The following CDH11 variants were observed in gnomAD, a reference collection of about 807,000 sequenced individuals.
CDH11 encodes cadherin 11.
In CDH11, 11 loss-of-function variants were observed where a neutral mutation model predicts 67.8. The ratio of observed to expected loss-of-function variants is 0.16; its 90% CI spans 0.10 to 0.27. The LOEUF is 0.27. CDH11 is among the 10% of genes least tolerant of loss of function. The pLI is 1.00. For missense variants in CDH11, 847 were observed against 1,031.2 expected (o/e 0.82, Z 2.45); for synonymous variants, 419 against 400.0 (o/e 1.05, Z -0.57).
At chr16:65,094,127 T>C (rs1485500455) in intron 1 of CDH11, among the ~76,000 whole-genome samples, 2 of 152,196 alleles carry the variant, frequency 1.3e-5, no homozygotes, top group African/African-American at 2.4e-5. Context: ...CACTAAGATT[T>C]AAACAAAGGG....
At chr16:65,093,107 T>C (rs1407021998) in intron 1 of CDH11, among the ~76,000 whole-genome samples, 8 of 151,830 alleles carry the variant, frequency 5.3e-5, no homozygotes, top group African/African-American at 1.9e-4. Context: ...CAGCTAATTT[T>C]ATCTATTTTT....
intron 1 of CDH11, among the ~76,000 whole-genome samples, chr16:65,120,648 T>G (rs1367239283): frequency 6.6e-6 from 1 of 152,146 alleles, no homozygotes; most frequent in East Asian, 1.9e-4. Context: ...TATTAAATAA[T>G]TAAAAGATGC....
intron 2 of CDH11, among the ~76,000 whole-genome samples, chr16:65,046,604 T>G (rs577509561): frequency 6.6e-6 from 1 of 152,176 alleles, no homozygotes; most frequent in Non-Finnish European, 1.5e-5. Context: ...AGCTGTACCT[T>G]GATTAGGGAT....
chr16:64,981,539 C>A (rs1447444074), intron 8 of CDH11: 1 of 152,172 alleles, frequency 6.6e-6, no homozygotes, highest in African/African-American at 2.4e-5. Flanking sequence ...GCTTTCCTTG[C>A]CTCCTGCTCG....
intron 1 of CDH11, among the ~76,000 whole-genome samples, chr16:65,077,211 T>C (rs1433229182): frequency 6.6e-6 from 1 of 152,208 alleles, no homozygotes; most frequent in African/African-American, 2.4e-5. Context: ...CATGCTAACA[T>C]ATGAACACCA....
chr16:65,021,126 G>A (rs7196001), intron 2 of CDH11, among the ~76,000 whole-genome samples: 54,020 of 151,780 alleles, frequency 0.36, 9,897 homozygotes, highest in South Asian at 0.5. Flanking sequence ...AGTGCAAAGA[G>A]CAGAGTGCTT....
chr16:65,120,377 G>A (rs984814058), intron 1 of CDH11, among the ~76,000 whole-genome samples: 1 of 152,128 alleles, frequency 6.6e-6, no homozygotes, highest in Non-Finnish European at 1.5e-5. Flanking sequence ...AAGTGATGAG[G>A]AAATTGATCC....
chr16:65,122,945 G>A (rs1470454104), upstream of CDH11, among the ~76,000 whole-genome samples: 1 of 152,218 alleles, frequency 6.6e-6, no homozygotes, highest in Non-Finnish European at 1.5e-5. Flanking sequence ...CCAGGGCCCG[G>A]TGGAGTGTGC....
At chr16:65,098,535 T>TGTGC (rs1180929165) in intron 1 of CDH11, among the ~76,000 whole-genome samples, 2 of 151,908 alleles carry the variant, frequency 1.3e-5, no homozygotes, top group Non-Finnish European at 2.9e-5. Context: ...TGTGTGTGTG[T>TGTGC]GTGCGTGTGT....
Position 64,960,570 on chromosome 16 carries a change from A to T in CDH11, c.1643-9552T>A, listed in dbSNP as rs79046611. 3.4e-3 allele frequency among the ~76,000 whole-genome samples: 517 copies of T among 152,204 alleles called. 22 individuals carry two copies. In the East Asian group the frequency reaches 0.091, roughly 27 times the overall value. On this transcript the variant is annotated intron_variant, in intron 11 of 12. Coordinates refer to ENST00000268603, the MANE Select transcript of CDH11 (RefSeq NM_001797.4). ...GATGTTAGGCCAGATGTCACCTGGG[A>T]GATGTCTTTATGTACAGTGAGACTT...
intron 1 of CDH11, among the ~76,000 whole-genome samples, chr16:65,058,147 G>C (rs2074177656): frequency 6.6e-6 from 1 of 152,094 alleles, no homozygotes; most frequent in Admixed American, 6.5e-5. Context: ...GTTTGAGCCT[G>C]GGGGATCGAG....
chr16:65,070,667 G>A (rs570592302), intron 1 of CDH11, among the ~76,000 whole-genome samples: 12 of 152,308 alleles, frequency 7.9e-5, no homozygotes, highest in African/African-American at 2.9e-4. Context: ...ACTGAATCTT[G>A]TTCACTTTCC....
chr16:64,980,603 C>T (rs777178145), intron 8 of CDH11, among the ~76,000 whole-genome samples: 54 of 152,144 alleles, frequency 3.5e-4, no homozygotes, highest in African/African-American at 9.7e-4. Flanking sequence ...AGCAGGAGAG[C>T]TTCAAAGAAT....
chr16:64,969,550 A>G (rs182658909), intron 11 of CDH11, among the ~76,000 whole-genome samples: 2 of 152,358 alleles, frequency 1.3e-5, no homozygotes, highest in Admixed American at 1.3e-4. Context: ...AACTAAATCC[A>G]TTATGCAATA....
At chr16:65,030,967 G>A (rs779683348) in intron 2 of CDH11, among the ~76,000 whole-genome samples, 2 of 152,168 alleles carry the variant, frequency 1.3e-5, no homozygotes, top group Non-Finnish European at 2.9e-5. Flanking sequence ...GTATTGACAG[G>A]TGACCTACAA....
chr16:65,106,231 A>G (rs1342029223), intron 1 of CDH11, among the ~76,000 whole-genome samples: 1 of 152,164 alleles, frequency 6.6e-6, no homozygotes, highest in African/African-American at 2.4e-5. Context: ...TTATTCTACC[A>G]AAGAGGAAAC....
chr16:64,970,578 G>A (rs1451089563), intron 11 of CDH11, among the ~76,000 whole-genome samples: 3 of 152,134 alleles, frequency 2.0e-5, no homozygotes, highest in African/African-American at 4.8e-5. Flanking sequence ...GGCATGGGTC[G>A]TGGAACACAG....
At chr16:65,031,071 T>C (rs2073634376) in intron 2 of CDH11, among the ~76,000 whole-genome samples, 1 of 152,198 alleles carries the variant, frequency 6.6e-6, no homozygotes, top group African/African-American at 2.4e-5. Context: ...GTTGATACAG[T>C]TCTCAGAAAA....
chr16:65,012,230 A>G (rs1286349190), intron 2 of CDH11, among the ~76,000 whole-genome samples: 1 of 152,232 alleles, frequency 6.6e-6, no homozygotes, highest in African/African-American at 2.4e-5. Context: ...CCTCTTGTAA[A>G]TAAACTTCCA....
Sources: gnomAD v4.1 joint callset for allele counts (sites outside exome capture counted in the v4.1 genomes callset) on GRCh38, gnomAD v4.1.1 for gene constraint, MANE v1.5 for transcripts, NCBI Gene and HGNC (gene_info 2026-07-23, HGNC 2026-07-21) for gene names.